PTCD3: variants seen among roughly 807,000 people sequenced by gnomAD.
PTCD3 encodes pentatricopeptide repeat domain 3.
PTCD3 carries 89 observed loss-of-function variants against 101.9 expected under a neutral mutation model. That is an observed-to-expected ratio of 0.87 (90% confidence interval 0.74 to 1.04). PTCD3 has a LOEUF of 1.04. Ranked by LOEUF, PTCD3 falls within the 50% of genes least tolerant of loss-of-function variation. The probability of loss-of-function intolerance (pLI) is 0.00; values close to 1 mark genes in which losing one functional copy is unlikely to be tolerated. For missense variants in PTCD3, 870 were observed against 828.2 expected (o/e 1.05, Z -0.62); for synonymous variants, 296 against 278.5 (o/e 1.06, Z -0.63).
At chr2:86,128,140 T>A (rs1329606658) in intron 14 of PTCD3, 149 bp downstream of exon 14, 2 of 718,116 alleles carry the variant, frequency 2.8e-6, no homozygotes, top group East Asian at 5.6e-5. Context: ...AGCAGAAAGT[T>A]GTGGTTTTTT....
intron 17 of PTCD3, chr2:86,132,640 T>G: frequency 2.5e-6 from 1 of 402,442 alleles, no homozygotes. Context: ...TTTTTTTTTT[T>G]TGCAACACTG....
intron 7 of PTCD3, 50 bp downstream of exon 7, chr2:86,119,094 G>A: frequency 1.3e-6 from 2 of 1,595,140 alleles, no homozygotes; most frequent in Middle Eastern, 3.3e-4. Flanking sequence ...TTTGAAGTGG[G>A]CCCAAGTTAT....
In PTCD3 at chr2:86,118,987, A is replaced by T; in HGVS notation, c.481A>T (p.Ile161Phe). The change falls in exon 7 of 24, where the codon ATT becomes TTT. Residue 161 changes from isoleucine to phenylalanine, a missense_variant. By Grantham distance (21) the Ile-to-Phe change is conservative. Coordinates refer to ENST00000254630, the MANE Select transcript of PTCD3 (RefSeq NM_017952.6). The stretch of plus-strand genomic sequence containing the variant: ...AAGTGAAGCCGCCCTGAAGGAACGA[A>T]TTGAGCTCAGAAAAGTCAAAGCCTC... ...DISEAALKERIELRKVKASVD... is the reference protein window; with the variant it reads ...DISEAALKERFELRKVKASVD... 6.2e-7 allele frequency: 1 copy of T among 1,614,092 alleles called. No individual in the cohort carries two copies. The highest frequency in any genetic ancestry group is 8.5e-7 in the Non-Finnish European group (1 of 1,179,986).
At position 86,126,229 on chromosome 2, in the gene PTCD3, C is replaced by CAAAA. The variant is rs71377064; in HGVS notation, c.951+360_951+363dup. On this transcript the variant is annotated intron_variant, in intron 12 of 23. Transcript: ENST00000254630. ...TGGGCAACAGAGCAAGACTCCGTCT[C>CAAAA]AAAAAAAAAAAAAAGAAAAAGAAAC... Among the ~76,000 whole-genome samples, 294 of 59,068 alleles carry CAAAA rather than the reference C, an allele frequency of 5.0e-3. 1 individual carries two copies. Among genetic ancestry groups the CAAAA allele is most frequent in the Non-Finnish European group, 7.4e-3 (214 of 28,794 alleles). 38.8% of individuals were successfully genotyped at this position (59,068 alleles called of 152,430 possible).
chr2:86,132,797 TG>T, intron 17 of PTCD3: 1 of 305,820 alleles, frequency 3.3e-6, no homozygotes, highest in Non-Finnish European at 6.0e-6. Flanking sequence ...ACTCCCTAAA[TG>T]GGTTTGCTTT....
Position 86,125,452 on chromosome 2 carries a change from C to T in PTCD3, c.805-3C>T, listed in dbSNP as rs199732602. 290 of 1,612,132 alleles carry T rather than the reference C, an allele frequency of 1.8e-4. No individual in the cohort carries two copies. The highest frequency in any genetic ancestry group is 1.0e-3 in the Admixed American group (63 of 60,016). ...TGATGATGCTTAATTTTTCCTTTTC[C>T]AGCACCGAGCTTATGAGCAGGCATT... On this transcript the variant is annotated splice_polypyrimidine_tract_variant and splice_region_variant and intron_variant, in intron 10 of 23. Coordinates refer to ENST00000254630, the MANE Select transcript of PTCD3 (RefSeq NM_017952.6).
Position 86,110,232 on chromosome 2 carries a change from C to T in PTCD3, c.195-881C>T, listed in dbSNP as rs182853339. Among the ~76,000 whole-genome samples, 257 of 152,254 alleles carry T rather than the reference C, an allele frequency of 1.7e-3. 2 individuals carry two copies. The highest frequency in any genetic ancestry group is 5.8e-3 in the African/African-American group (243 of 41,552). Reference sequence around the variant, plus strand: ...AATGCTGACAGATGAGAGAATGTGTCGTTATCACACTTGCTGAAATTACAT... The same window carrying T: ...AATGCTGACAGATGAGAGAATGTGTTGTTATCACACTTGCTGAAATTACAT... On this transcript the variant is annotated intron_variant, in intron 3 of 23. Coordinates refer to ENST00000254630, the MANE Select transcript of PTCD3 (RefSeq NM_017952.6).
At position 86,140,360 on chromosome 2, in the gene PTCD3, C is replaced by G. The variant is rs1674662171; in HGVS notation, c.*2801C>G. 1 of 151,894 alleles carries G rather than the reference C, an allele frequency of 6.6e-6. No individual in the cohort carries two copies. Among genetic ancestry groups the G allele is most frequent in the Admixed American group, 6.6e-5 (1 of 15,254 alleles). The allele number at this position is 151,894 out of a possible 1,614,324, so 9.4% of individuals were successfully genotyped here. On this transcript the variant is annotated 3_prime_UTR_variant, in exon 24 of 24. Transcript: ENST00000254630. ...TTCTCTAAGACAGGGTAGCATTTGTCTTTCAAACTGCAGGGTTTGAAATCA... is the reference window on the plus strand; with the variant it reads ...TTCTCTAAGACAGGGTAGCATTTGTGTTTCAAACTGCAGGGTTTGAAATCA...
intron 7 of PTCD3, 28 bp from the exon 8 acceptor site, chr2:86,121,451 T>C: frequency 7.1e-7 from 1 of 1,403,874 alleles, no homozygotes; most frequent in Non-Finnish European, 9.9e-7. Context: ...TTTCAAGGTT[T>C]CTTTATCTTT....
At position 86,106,301 on chromosome 2, in the gene PTCD3, G is replaced by A; in HGVS notation, c.54G>A (p.Gln18=). 6.2e-7 allele frequency: 1 copy of A among 1,614,086 alleles called. No homozygotes were observed. The highest frequency in any genetic ancestry group is 8.5e-7 in the Non-Finnish European group (1 of 1,180,012). ...TGGGCCTCCGCAGCAGGCTTGGCCAGCCGCTGACGGGTCGGCGGGCGGGTT... is the reference window on the plus strand; with the variant it reads ...TGGGCCTCCGCAGCAGGCTTGGCCAACCGCTGACGGGTCGGCGGGCGGGTT... ...RWLGLRSRLG[Q]PLTGRRAGLC... The change falls in exon 1 of 24, where the codon CAG becomes CAA. Residue 18 remains glutamine (Q), a synonymous_variant. Transcript: ENST00000254630.
intron 20 of PTCD3, 83 bp from the exon 21 acceptor site, chr2:86,134,756 T>A (rs1674552890): frequency 1.3e-6 from 2 of 1,482,682 alleles, no homozygotes; most frequent in Non-Finnish European, 1.9e-6. Flanking sequence ...ATTGCTCAGA[T>A]TTTAAGGATC....
intron 19 of PTCD3, 95 bp downstream of exon 19, chr2:86,133,531 T>G (rs1440457990): frequency 8.1e-7 from 1 of 1,231,444 alleles, no homozygotes; most frequent in Non-Finnish European, 1.2e-6. Context: ...GGATGAAAAC[T>G]TCCATTTTGA....
chr2:86,123,686 GATT>G lies in PTCD3; in HGVS notation c.655-11_655-9del. ...TGCCTTAACTTTTATTTCTTTTGAT[GATT>G]ATTCATTTCAGGAAGAGGAAAATGA... On this transcript the variant is annotated splice_polypyrimidine_tract_variant and intron_variant, in intron 8 of 23. Transcript: ENST00000254630. The G allele has an allele frequency of 6.4e-7, 1 of 1,573,210 alleles. No homozygotes were observed. Among genetic ancestry groups the G allele is most frequent in the South Asian group, 1.2e-5 (1 of 84,860 alleles).
At chr2:86,127,657 A>G in intron 13 of PTCD3, 1 of 474,678 alleles carries the variant, frequency 2.1e-6, no homozygotes. Flanking sequence ...TACTTTATTG[A>G]AAGTTGCTTT....
At chr2:86,121,627 C>T (rs780361356) in intron 8 of PTCD3, 33 bp downstream of exon 8, 365 of 1,346,102 alleles carry the variant, frequency 2.7e-4, no homozygotes, top group Non-Finnish European at 3.6e-4. Flanking sequence ...TTTTTTTTTC[C>T]TTAAGCTTCT....
At chr2:86,132,206 A>G in intron 16 of PTCD3, 112 bp from the exon 17 acceptor site, 4 of 617,354 alleles carry the variant, frequency 6.5e-6, no homozygotes, top group Non-Finnish European at 1.1e-5. Context: ...CTGTCAACCA[A>G]TAATATGTTG....
Position 86,127,974 on chromosome 2 carries a change from G to T in PTCD3, c.1130G>T (p.Arg377Leu), listed in dbSNP as rs769046054. The T allele has an allele frequency of 6.2e-7, 1 of 1,609,672 alleles. No homozygotes were observed. Among genetic ancestry groups the T allele is most frequent in the Non-Finnish European group, 8.5e-7 (1 of 1,176,382 alleles). The part of the protein sequence containing the change: ...PSLATYHHII[R>L]LFDQPGDPLK... ...CTTGCAACATATCACCATATTATTCGCCTGTTTGATCAACCTGGTATGTAT... is the reference window on the plus strand; with the variant it reads ...CTTGCAACATATCACCATATTATTCTCCTGTTTGATCAACCTGGTATGTAT... Residue 377 changes from arginine (R) to leucine (L), a missense_variant, in exon 14 of 24, where the codon CGC becomes CTC. Transcript: ENST00000254630.
At chr2:86,118,853 G>T in intron 6 of PTCD3, 68 bp from the exon 7 acceptor site, 1 of 1,526,170 alleles carries the variant, frequency 6.6e-7, no homozygotes, top group Non-Finnish European at 8.9e-7. Flanking sequence ...TAAAAGTTTT[G>T]TCCTACTCAG....
chr2:86,119,056 C>G lies in PTCD3; in HGVS notation c.538+12C>G. 1.2e-6 allele frequency: 2 copies of G among 1,612,156 alleles called. No individual in the cohort carries two copies. Among genetic ancestry groups the G allele is most frequent in the East Asian group, 2.2e-5 (1 of 44,866 alleles). On this transcript the variant is annotated intron_variant, in intron 7 of 23. Coordinates refer to ENST00000254630, the MANE Select transcript of PTCD3 (RefSeq NM_017952.6). Reference sequence around the variant, plus strand: ...GCTTTTGCAAGCAGGTGACTGAGTTCGATTAAAGCCCCTCTAATAACATGG... The same window carrying G: ...GCTTTTGCAAGCAGGTGACTGAGTTGGATTAAAGCCCCTCTAATAACATGG...
Sources: allele counts gnomAD v4.1 joint callset (sites outside exome capture counted in the v4.1 genomes callset), GRCh38; gene constraint gnomAD v4.1.1; transcripts MANE v1.5; gene names NCBI Gene and HGNC (gene_info 2026-07-23, HGNC 2026-07-21).